Variants in COL24A1 observed in about 807,000 individuals in gnomAD.
The protein encoded by COL24A1 is collagen type XXIV alpha 1 chain, also known as collagen alpha-1(XXIV) chain.
Under a neutral mutation model 253.9 loss-of-function variants are expected in COL24A1, and 224 were observed. The ratio of observed to expected loss-of-function variants is 0.88; its 90% CI spans 0.79 to 0.99. The LOEUF is 0.99. COL24A1 is among the 50% of genes least tolerant of loss of function. The pLI, the probability that COL24A1 is intolerant of heterozygous loss-of-function variation, is 0.00. For synonymous variants in COL24A1, 685 were observed against 673.7 expected (o/e 1.02, Z -0.26); for missense variants, 2,131 against 2,068.5 (o/e 1.03, Z -0.59).
At chr1:86,138,554 CT>C (rs1223901601) in intron 2 of COL24A1, among the ~76,000 whole-genome samples, 1 of 152,096 alleles carries the variant, frequency 6.6e-6, no homozygotes, top group Non-Finnish European at 1.5e-5. Flanking sequence ...GGGAGTTTCC[CT>C]GCACAGGCTC....
rs766457422 is a variant in COL24A1 at position 86,125,311 on chromosome 1, T to C, written c.1025A>G (p.Asp342Gly). 5 of 1,613,572 alleles carry C rather than the reference T, an allele frequency of 3.1e-6. 1 individual carries two copies. In the South Asian group the frequency reaches 5.5e-5, roughly 18 times the overall value. Residue 342 changes from aspartate (D) to glycine (G), a missense_variant, in exon 3 of 60, where the codon GAT becomes GGT. By Grantham distance (94) the Asp-to-Gly change is moderately conservative. Coordinates refer to ENST00000370571, the MANE Select transcript of COL24A1 (RefSeq NM_152890.7). ...TGACAGGCTGAAATTTGTCTGAGTA[T>C]CTTCCTCAGTGATCATTTCTTTGGC... ...IQAKEMITEE[D>G]TQTNFSLSVT...
chr1:85,965,296 C>T (rs1426106336), intron 22 of COL24A1, among the ~76,000 whole-genome samples: 1 of 151,874 alleles, frequency 6.6e-6, no homozygotes, highest in Non-Finnish European at 1.5e-5. Context: ...ACTGAACATA[C>T]CTGCCCTCAT....
At chr1:85,973,669 C>T (rs948114511) in intron 20 of COL24A1, among the ~76,000 whole-genome samples, 2 of 152,092 alleles carry the variant, frequency 1.3e-5, no homozygotes, top group Admixed American at 6.6e-5. Flanking sequence ...GACGGCTGAC[C>T]GGTTAAAGGG....
At chr1:85,871,329 C>T (rs534831692) in intron 35 of COL24A1, among the ~76,000 whole-genome samples, 1 of 152,242 alleles carries the variant, frequency 6.6e-6, no homozygotes, top group South Asian at 2.1e-4. Context: ...AAGAGGAATC[C>T]TCCCTAACTC....
chr1:86,036,433 G>C (rs1699027185), intron 12 of COL24A1, among the ~76,000 whole-genome samples: 1 of 148,600 alleles, frequency 6.7e-6, no homozygotes, highest in Admixed American at 6.7e-5. Context: ...ATGAAATCTA[G>C]ACACTTCTTG....
At chr1:85,988,100 TAA>T (rs34090648) in intron 19 of COL24A1, among the ~76,000 whole-genome samples, 4 of 147,464 alleles carry the variant, frequency 2.7e-5, no homozygotes, top group South Asian at 2.1e-4. Context: ...TTCTGTCTGA[TAA>T]AAAAAAAAAA....
intron 53 of COL24A1, among the ~76,000 whole-genome samples, chr1:85,765,438 C>T (rs75293012): frequency 0.03 from 4,469 of 151,244 alleles, 227 homozygotes; most frequent in African/African-American, 0.1. Context: ...GGTATAGTGA[C>T]TCATGCCTGT....
At chr1:86,066,231 CT>C (rs71078637) in intron 7 of COL24A1, among the ~76,000 whole-genome samples, 4,011 of 85,666 alleles carry the variant, frequency 0.047, 27 homozygotes, top group South Asian at 0.067. Context: ...CCTAAGTCTC[CT>C]TTTTTTTTTT....
chr1:85,773,763 A>T (rs1668234704), intron 53 of COL24A1, among the ~76,000 whole-genome samples: 1 of 152,104 alleles, frequency 6.6e-6, no homozygotes, highest in African/African-American at 2.4e-5. Context: ...GCTTAAGGAG[A>T]TTTGGGGCTG....
At chr1:85,787,849 C>T (rs186678593) in intron 47 of COL24A1, among the ~76,000 whole-genome samples, 1 of 152,284 alleles carries the variant, frequency 6.6e-6, no homozygotes, top group Non-Finnish European at 1.5e-5. Context: ...TTCCCATCAA[C>T]AGTGTAAAAG....
At chr1:85,880,111 A>G (rs1437141035) in intron 32 of COL24A1, among the ~76,000 whole-genome samples, 2 of 152,210 alleles carry the variant, frequency 1.3e-5, no homozygotes, top group African/African-American at 2.4e-5. Flanking sequence ...CCATTTGTGA[A>G]GAACTAATAT....
chr1:85,840,736 T>C (rs2102240940), intron 42 of COL24A1, among the ~76,000 whole-genome samples: 1 of 152,278 alleles, frequency 6.6e-6, no homozygotes, highest in South Asian at 2.1e-4. Flanking sequence ...AAATGTTTAA[T>C]AAGAAGGCTA....
chr1:85,785,776 T>C (rs1669621990), intron 48 of COL24A1, among the ~76,000 whole-genome samples: 1 of 152,204 alleles, frequency 6.6e-6, no homozygotes. Context: ...CTTAGGCTTT[T>C]ATGAAAGAGC....
At chr1:85,833,737 C>T (rs1217214221) in intron 43 of COL24A1, among the ~76,000 whole-genome samples, 3 of 152,072 alleles carry the variant, frequency 2.0e-5, no homozygotes, top group Non-Finnish European at 4.4e-5. Flanking sequence ...CAACGATAGA[C>T]TGGATTAAGA....
At chr1:85,988,178 T>G (rs1693903028) in intron 19 of COL24A1, among the ~76,000 whole-genome samples, 1 of 151,874 alleles carries the variant, frequency 6.6e-6, no homozygotes, top group Non-Finnish European at 1.5e-5. Flanking sequence ...AACTATCTTA[T>G]TCTAACATCC....
At chr1:85,773,863 T>G (rs1488356529) in intron 53 of COL24A1, among the ~76,000 whole-genome samples, 1 of 152,174 alleles carries the variant, frequency 6.6e-6, no homozygotes, top group Non-Finnish European at 1.5e-5. Flanking sequence ...ACCCTTTATT[T>G]CTTTCTCTTG....
In COL24A1 at chr1:85,815,555, C is replaced by T. The variant is rs1299374595; in HGVS notation, c.3951+1233G>A. ...GCCTTCATATTTTCAGAGAATCTGA[C>T]TAGATATTTATTAGTGACATAATTA... On this transcript the variant is annotated intron_variant, in intron 47 of 59. Coordinates refer to ENST00000370571, the MANE Select transcript of COL24A1 (RefSeq NM_152890.7). Among the ~76,000 whole-genome samples the T allele has an allele frequency of 2.0e-5, 3 of 152,020 alleles. No homozygotes were observed. The East Asian group carries it at 5.8e-4, about 29-fold the overall frequency.
chr1:85,737,418 A>C lies in COL24A1; in HGVS notation c.4760T>G (p.Leu1587Ter). The C allele has an allele frequency of 6.8e-6, 11 of 1,612,384 alleles. No homozygotes were observed. Among genetic ancestry groups the C allele is most frequent in the Non-Finnish European group, 9.3e-6 (11 of 1,178,824 alleles). Reference sequence around the variant, plus strand: ...TACCTTTGTTACAGAAACAGGAGGTAAGCATGTCTGGCCACCAGCACTGAA... The same window carrying C: ...TACCTTTGTTACAGAAACAGGAGGTCAGCATGTCTGGCCACCAGCACTGAA... ...CNFSAGGQTC[L>*]PPVSVTKLEF... Residue 1587 changes from leucine to a stop codon, truncating the protein, a stop_gained, in exon 58 of 60, where the codon TTA becomes TGA. Transcript: ENST00000370571. LOFTEE classifies it high-confidence loss of function.
chr1:86,114,421 A>T (rs1210812053), intron 4 of COL24A1, among the ~76,000 whole-genome samples: 2 of 152,200 alleles, frequency 1.3e-5, no homozygotes, highest in African/African-American at 2.4e-5. Context: ...AAATTGGCCC[A>T]GTTTCTCAGA....
Sources: allele counts gnomAD v4.1 joint callset (sites outside exome capture counted in the v4.1 genomes callset), GRCh38; gene constraint gnomAD v4.1.1; transcripts MANE v1.5; gene names NCBI Gene and HGNC (gene_info 2026-07-23, HGNC 2026-07-21).